The following MLIP variants were observed in gnomAD, a reference collection of about 807,000 sequenced individuals.
MLIP encodes muscular LMNA-interacting protein.
MLIP carries 79 observed loss-of-function variants against 84.8 expected under a neutral mutation model. That is an observed-to-expected ratio of 0.93 (90% CI 0.78 to 1.12). The LOEUF is 1.12. MLIP is among the 50% of genes most tolerant of loss of function. The probability of loss-of-function intolerance (pLI) is 0.00; values close to 1 mark genes in which losing one functional copy is unlikely to be tolerated. For synonymous variants in MLIP, 504 were observed against 463.0 expected (o/e 1.09, Z -1.14); for missense variants, 1,257 against 1,160.6 (o/e 1.08, Z -1.21).
chr6:54,075,037 C>T (rs1278251797), intron 1 of MLIP, among the ~76,000 whole-genome samples: 1 of 151,950 alleles, frequency 6.6e-6, no homozygotes, highest in Non-Finnish European at 1.5e-5. Context: ...CACTTGAGGT[C>T]GGGAGTTCAA....
chr6:54,191,711 C>A (rs1241314373), intron 10 of MLIP, among the ~76,000 whole-genome samples: 2 of 152,102 alleles, frequency 1.3e-5, no homozygotes, highest in Non-Finnish European at 2.9e-5. Context: ...GCCATGGAAA[C>A]AAGCACTGCA....
At chr6:54,197,766 G>T (rs1157672938) in intron 10 of MLIP, among the ~76,000 whole-genome samples, 1 of 152,056 alleles carries the variant, frequency 6.6e-6, no homozygotes, top group African/African-American at 2.4e-5. Context: ...GCCTCTTAAG[G>T]CTAGTTTAGT....
chr6:54,053,136 T>A (rs1194267661), intron 1 of MLIP, among the ~76,000 whole-genome samples: 1 of 152,168 alleles, frequency 6.6e-6, no homozygotes, highest in Non-Finnish European at 1.5e-5. Flanking sequence ...AACACAGAAC[T>A]AGAAAATGGC....
chr6:54,114,237 G>A (rs1769717829), intron 1 of MLIP, among the ~76,000 whole-genome samples: 1 of 152,176 alleles, frequency 6.6e-6, no homozygotes, highest in African/African-American at 2.4e-5. Flanking sequence ...ATCTCATCTA[G>A]TCTCCTGGTT....
At chr6:54,257,601 C>A (rs899882303) in intron 13 of MLIP, among the ~76,000 whole-genome samples, 1 of 152,042 alleles carries the variant, frequency 6.6e-6, no homozygotes, top group African/African-American at 2.4e-5. Context: ...GACCACAAAC[C>A]AACTCCTACC....
intron 11 of MLIP, among the ~76,000 whole-genome samples, chr6:54,213,763 G>A (rs891144258): frequency 7.5e-6 from 1 of 134,224 alleles, no homozygotes; most frequent in African/African-American, 2.7e-5. Context: ...TTGTATGTAC[G>A]TAATCTGTTC....
intron 4 of MLIP, among the ~76,000 whole-genome samples, chr6:54,142,551 C>G (rs816376): frequency 0.35 from 53,720 of 151,966 alleles, 10,778 homozygotes; most frequent in African/African-American, 0.55. Context: ...CAGTGAGGAA[C>G]AGGATGTTGA....
intron 12 of MLIP, among the ~76,000 whole-genome samples, chr6:54,250,601 T>C (rs982750686): frequency 6.6e-6 from 1 of 152,116 alleles, no homozygotes; most frequent in African/African-American, 2.4e-5. Flanking sequence ...TAATAAGCAC[T>C]TTCAAGGGCT....
chr6:54,252,808 CA>C (rs1782733780), intron 12 of MLIP, among the ~76,000 whole-genome samples: 1 of 151,884 alleles, frequency 6.6e-6, no homozygotes, highest in South Asian at 2.1e-4. Context: ...TAAACACTGA[CA>C]ATTAAATTTA....
At chr6:54,091,316 A>G (rs1427063816) in intron 1 of MLIP, among the ~76,000 whole-genome samples, 1 of 152,188 alleles carries the variant, frequency 6.6e-6, no homozygotes, top group East Asian at 1.9e-4. Context: ...TACAAAATTG[A>G]TTTAAAATTT....
chr6:54,133,617 T>A (rs1468828992), intron 3 of MLIP, among the ~76,000 whole-genome samples: 1 of 152,202 alleles, frequency 6.6e-6, no homozygotes, highest in Non-Finnish European at 1.5e-5. Flanking sequence ...GAAAATTGAA[T>A]ATATATACAG....
At chr6:54,160,661 T>C in intron 7 of MLIP, 62 bp downstream of exon 7, 9 of 1,509,270 alleles carry the variant, frequency 6.0e-6, no homozygotes, top group Non-Finnish European at 8.3e-6. Flanking sequence ...CATTTTCCTC[T>C]ACTTTAGTAT....
rs9395923 is a variant in MLIP, at chr6:54,250,001, G to A, written c.2923-7307G>A. Among the ~76,000 whole-genome samples the A allele has an allele frequency of 2.8e-3, 427 of 151,920 alleles. 6 individuals carry two copies. Among genetic ancestry groups the A allele is most frequent in the South Asian group, 0.02 (97 of 4,808 alleles). ...TGTCTGTTCCCTTTTATGTGTCCATGTGCTCTCATCATTTAGCTCCCACTT... is the reference window on the plus strand; with the variant it reads ...TGTCTGTTCCCTTTTATGTGTCCATATGCTCTCATCATTTAGCTCCCACTT... On this transcript the variant is annotated intron_variant, in intron 12 of 13. Transcript: ENST00000502396.
At chr6:54,036,887 T>C (rs1445963050) in intron 1 of MLIP, among the ~76,000 whole-genome samples, 1 of 152,056 alleles carries the variant, frequency 6.6e-6, no homozygotes, top group Non-Finnish European at 1.5e-5. Context: ...TATGTTTTTC[T>C]GAGTAACTAC....
At chr6:54,046,445 A>C (rs1009585841) in intron 1 of MLIP, 2 of 152,146 alleles carry the variant, frequency 1.3e-5, no homozygotes, top group East Asian at 3.9e-4. Context: ...TCTTCATATA[A>C]AGAAATGGAA....
At chr6:54,148,771 A>G (rs1420607085) in intron 4 of MLIP, among the ~76,000 whole-genome samples, 1 of 152,166 alleles carries the variant, frequency 6.6e-6, no homozygotes, top group African/African-American at 2.4e-5. Flanking sequence ...TGAAAAATTT[A>G]TATATAACTT....
rs1020589439 is a variant in MLIP at position 54,083,359 on chromosome 6, A to G, written c.64-38088A>G. Reference sequence around the variant, plus strand: ...AGATAGGTTAATATATTCAGATGGGATTGAAATAACAGATGCATTGCTATT... The same window carrying G: ...AGATAGGTTAATATATTCAGATGGGGTTGAAATAACAGATGCATTGCTATT... On this transcript the variant is annotated intron_variant, in intron 1 of 12. Coordinates refer to the MLIP transcript ENST00000274897. 6.5e-5 allele frequency: 62 copies of G among 959,222 alleles called. No homozygotes were observed. In the African/African-American group the frequency reaches 7.8e-4, roughly 12 times the overall value. The allele number at this position is 959,222 out of a possible 1,614,324, so 59.4% of individuals were successfully genotyped here.
intron 1 of MLIP, among the ~76,000 whole-genome samples, chr6:54,031,067 A>T (rs1310059373): frequency 1.3e-5 from 2 of 152,154 alleles, no homozygotes; most frequent in Non-Finnish European, 2.9e-5. Flanking sequence ...ATGCATGTTG[A>T]CAGAACATTA....
At position 54,124,678 on chromosome 6, in the gene MLIP, C is replaced by T. The variant is rs745884879; in HGVS notation, c.458C>T (p.Ala153Val). The T allele has an allele frequency of 2.0e-5, 32 of 1,614,066 alleles. No individual in the cohort carries two copies. The African/African-American group carries it at 4.1e-4, about 21-fold the overall frequency. The change falls in exon 3 of 14, where the codon GCA (alanine) becomes GTA (valine). Residue 153 changes from alanine to valine, a missense_variant. Transcript: ENST00000502396. Reference sequence around the variant, plus strand: ...GACTCCGAAGGGGAAGATGAGGCTGCAAGCAGAAAAGTTGAACAAGGCCCC... The same window carrying T: ...GACTCCGAAGGGGAAGATGAGGCTGTAAGCAGAAAAGTTGAACAAGGCCCC... ...IVDSEGEDEAASRKVEQGPPG... is the reference protein window; with the variant it reads ...IVDSEGEDEAVSRKVEQGPPG...
Sources: gnomAD v4.1 joint callset for allele counts (sites outside exome capture counted in the v4.1 genomes callset) on GRCh38, gnomAD v4.1.1 for gene constraint, MANE v1.5 for transcripts, NCBI Gene and HGNC (gene_info 2026-07-23, HGNC 2026-07-21) for gene names.